The following STAG1 variants were observed in gnomAD, a reference collection of about 807,000 sequenced individuals.
STAG1 encodes the protein cohesin subunit SA-1.
In STAG1, 26 loss-of-function variants were observed where a neutral mutation model predicts 170.9. The ratio of observed to expected loss-of-function variants is 0.15; its 90% CI spans 0.11 to 0.21. The LOEUF is 0.21. STAG1 is among the 10% of genes least tolerant of loss of function. The pLI is 1.00. For synonymous variants in STAG1, 514 were observed against 497.7 expected (o/e 1.03, Z -0.44); for missense variants, 964 against 1,509.5 (o/e 0.64, Z 5.99).
At chr3:136,459,603 G>C (rs1455283588) in intron 13 of STAG1, among the ~76,000 whole-genome samples, 5 of 152,058 alleles carry the variant, frequency 3.3e-5, no homozygotes, top group Admixed American at 3.3e-4. Flanking sequence ...TATTCTCCAG[G>C]ACAGGCTACA....
intron 1 of STAG1, among the ~76,000 whole-genome samples, chr3:136,642,995 TTCTTA>T (rs769586302): frequency 6.6e-6 from 1 of 152,256 alleles, no homozygotes; most frequent in Non-Finnish European, 1.5e-5. Flanking sequence ...CTGTCTTCTC[TTCTTA>T]TAAGGACACC....
chr3:136,570,355 T>C (rs974713596), intron 4 of STAG1, among the ~76,000 whole-genome samples: 9 of 152,236 alleles, frequency 5.9e-5, no homozygotes, highest in African/African-American at 1.7e-4. Flanking sequence ...TTCAGCAGCA[T>C]TGTTATGTGT....
chr3:136,552,398 A>G (rs553983529), intron 5 of STAG1, among the ~76,000 whole-genome samples: 2 of 152,360 alleles, frequency 1.3e-5, no homozygotes, highest in African/African-American at 4.8e-5. Context: ...ATGATATTGT[A>G]AACAATATTA....
chr3:136,548,001 C>A (rs1202145000), intron 5 of STAG1, among the ~76,000 whole-genome samples: 1 of 152,186 alleles, frequency 6.6e-6, no homozygotes, highest in Admixed American at 6.5e-5. Context: ...ACTGTATATT[C>A]TTGACACCCT....
At position 136,336,770 on chromosome 3, in the gene STAG1, T is replaced by C. The variant is rs1190446661; in HGVS notation, c.*1484A>G. 1 of 152,230 alleles carries C rather than the reference T, an allele frequency of 6.6e-6. No homozygotes were observed. The highest frequency in any genetic ancestry group is 1.5e-5 in the Non-Finnish European group (1 of 68,032). 9.4% of individuals were successfully genotyped at this position (152,230 alleles called of 1,614,324 possible). ...TTTACTAAAAGGATGAATAAAATCA[T>C]CCATCATCATCTTGCTTTCCCGCAC... On this transcript the variant is annotated 3_prime_UTR_variant, in exon 34 of 34. Coordinates refer to ENST00000383202, the MANE Select transcript of STAG1 (RefSeq NM_005862.3).
chr3:136,353,382 A>G (rs1936509020), intron 28 of STAG1, among the ~76,000 whole-genome samples: 1 of 152,242 alleles, frequency 6.6e-6, no homozygotes, highest in Non-Finnish European at 1.5e-5. Context: ...AACAGGATAA[A>G]TGCAAAGAGA....
intron 14 of STAG1, among the ~76,000 whole-genome samples, chr3:136,444,168 C>A (rs967136991): frequency 6.6e-6 from 1 of 151,806 alleles, no homozygotes; most frequent in African/African-American, 2.4e-5. Flanking sequence ...CCACCTCCTG[C>A]GTTCAAGTGA....
intron 13 of STAG1, among the ~76,000 whole-genome samples, chr3:136,455,836 G>A (rs2089095683): frequency 2.6e-5 from 4 of 152,222 alleles, no homozygotes; most frequent in African/African-American, 9.6e-5. Context: ...GATTTCCCAG[G>A]TTGGGAAATA....
At chr3:136,649,503 CAAAA>C (rs761067087) in intron 1 of STAG1, among the ~76,000 whole-genome samples, 1 of 70,882 alleles carries the variant, frequency 1.4e-5, no homozygotes, top group African/African-American at 4.5e-5. Flanking sequence ...AAAACAGAAA[CAAAA>C]AAAAAAAAAA....
rs191032955 is a variant in STAG1 at position 136,445,615 on chromosome 3, T to C, written c.1429-2211A>G. Among the ~76,000 whole-genome samples, 298 of 152,338 alleles carry C rather than the reference T, an allele frequency of 2.0e-3. 1 individual carries two copies. The highest frequency in any genetic ancestry group is 4.1e-3 in the Admixed American group (62 of 15,302). On this transcript the variant is annotated intron_variant, in intron 14 of 33. Coordinates refer to ENST00000383202, the MANE Select transcript of STAG1 (RefSeq NM_005862.3). ...TTAACAAGGTAAATTTTGTTTTATATATTTTACAATAAATCAGCTGAATAT... is the reference window on the plus strand; with the variant it reads ...TTAACAAGGTAAATTTTGTTTTATACATTTTACAATAAATCAGCTGAATAT...
chr3:136,564,252 G>C (rs1936967877), intron 5 of STAG1, among the ~76,000 whole-genome samples: 1 of 152,152 alleles, frequency 6.6e-6, no homozygotes, highest in Non-Finnish European at 1.5e-5. Flanking sequence ...TAAAATCCCA[G>C]AAGTAGGATG....
chr3:136,583,054 A>G (rs1029127353), intron 4 of STAG1, among the ~76,000 whole-genome samples: 1 of 152,198 alleles, frequency 6.6e-6, no homozygotes, highest in Admixed American at 6.5e-5. Flanking sequence ...TCTTTATTAC[A>G]AAATATAATG....
At chr3:136,697,629 A>G (rs1942938062) in intron 1 of STAG1, among the ~76,000 whole-genome samples, 1 of 152,238 alleles carries the variant, frequency 6.6e-6, no homozygotes, top group Non-Finnish European at 1.5e-5. Context: ...TCAATAGCCT[A>G]AAGTAGAAAA....
intron 6 of STAG1, among the ~76,000 whole-genome samples, chr3:136,527,180 C>T (rs148266320): frequency 2.9e-4 from 44 of 152,314 alleles, no homozygotes; most frequent in African/African-American, 9.6e-4. Flanking sequence ...TAATATCCTG[C>T]AGAGTGTTTT....
At chr3:136,457,176 G>A (rs1433664824) in intron 13 of STAG1, among the ~76,000 whole-genome samples, 1 of 152,084 alleles carries the variant, frequency 6.6e-6, no homozygotes, top group Non-Finnish European at 1.5e-5. Context: ...AGGGTGGAAG[G>A]CTGCCCTGCC....
At chr3:136,638,714 C>T (rs1017714465) in intron 1 of STAG1, among the ~76,000 whole-genome samples, 1 of 151,944 alleles carries the variant, frequency 6.6e-6, no homozygotes, top group African/African-American at 2.4e-5. Flanking sequence ...ACTAGCCTGG[C>T]CAACATGGTG....
chr3:136,629,316 G>T (rs545487266), intron 2 of STAG1, among the ~76,000 whole-genome samples: 1 of 152,228 alleles, frequency 6.6e-6, no homozygotes, highest in Non-Finnish European at 1.5e-5. Flanking sequence ...ATTATAAAAT[G>T]TTACATTAAG....
chr3:136,569,782 AAAAT>A (rs1336051360), intron 4 of STAG1, among the ~76,000 whole-genome samples: 1 of 152,116 alleles, frequency 6.6e-6, no homozygotes, highest in Non-Finnish European at 1.5e-5. Context: ...TTCACAACGA[AAAAT>A]ACCTAAGAAT....
At chr3:136,500,094 G>A in intron 9 of STAG1, 129 bp downstream of exon 9, 1 of 628,960 alleles carries the variant, frequency 1.6e-6, no homozygotes, top group South Asian at 1.7e-5. Context: ...GACACTGACA[G>A]CCAAAGTTGT....
Sources: allele counts gnomAD v4.1 joint callset (sites outside exome capture counted in the v4.1 genomes callset), GRCh38; gene constraint gnomAD v4.1.1; transcripts MANE v1.5; gene names NCBI Gene and HGNC (gene_info 2026-07-23, HGNC 2026-07-21).